SHISA9: variants seen among roughly 807,000 people sequenced by gnomAD.
SHISA9 encodes the protein shisa family member 9.
Under a neutral mutation model 38.0 loss-of-function variants are expected in SHISA9, and 13 were observed. That is an observed-to-expected ratio of 0.34 (90% CI 0.22 to 0.54). The LOEUF is 0.54. SHISA9 is among the 20% of genes least tolerant of loss of function. SHISA9 has a pLI of 0.91. For synonymous variants in SHISA9, 275 were observed against 242.0 expected (o/e 1.14, Z -1.27); for missense variants, 538 against 575.8 (o/e 0.93, Z 0.67).
the SHISA9 span, among the ~76,000 whole-genome samples, chr16:13,307,125 A>G: frequency 6.6e-6 from 1 of 152,216 alleles, no homozygotes; most frequent in African/African-American, 2.4e-5. Flanking sequence ...ACAAACCTGG[A>G]CAAGTCGTTC....
At chr16:12,997,344 A>C (rs1443105199) in intron 2 of SHISA9, among the ~76,000 whole-genome samples, 2 of 150,040 alleles carry the variant, frequency 1.3e-5, no homozygotes, top group Non-Finnish European at 3.0e-5. Context: ...TCCATAGTAT[A>C]CTGCAATTAT....
rs868172272 is a variant in SHISA9, at chr16:12,940,531, C to A, written c.691+23716C>A. Among the ~76,000 whole-genome samples, 5 of 152,102 alleles carry A rather than the reference C, an allele frequency of 3.3e-5. 1 individual carries two copies. The South Asian group carries it at 8.3e-4, about 25-fold the overall frequency. On this transcript the variant is annotated intron_variant, in intron 2 of 4. Coordinates refer to ENST00000558583, the MANE Select transcript of SHISA9 (RefSeq NM_001145204.3). ...ACTAGTTTAGACTGTGCGGTCCAACCCTAGCCAATAGGGGAAAGACACAGA... is the reference window on the plus strand; with the variant it reads ...ACTAGTTTAGACTGTGCGGTCCAACACTAGCCAATAGGGGAAAGACACAGA...
At chr16:13,560,983 C>T in the SHISA9 span, among the ~76,000 whole-genome samples, 1 of 152,114 alleles carries the variant, frequency 6.6e-6, no homozygotes, top group Admixed American at 6.5e-5. Flanking sequence ...CCTGCCTCAG[C>T]CTCCCGAGTA....
intron 2 of SHISA9, among the ~76,000 whole-genome samples, chr16:12,925,051 T>C (rs1045011436): frequency 6.8e-6 from 1 of 147,444 alleles, no homozygotes; most frequent in African/African-American, 2.4e-5. Flanking sequence ...GGTGCGAAAG[T>C]TGGCTGTTCA....
chr16:13,298,400 G>C, the SHISA9 span, among the ~76,000 whole-genome samples: 1 of 151,992 alleles, frequency 6.6e-6, no homozygotes, highest in African/African-American at 2.4e-5. Flanking sequence ...TAATAAACAC[G>C]ATGATGACTC....
chr16:13,441,129 G>A, the SHISA9 span, among the ~76,000 whole-genome samples: 1 of 152,156 alleles, frequency 6.6e-6, no homozygotes, highest in African/African-American at 2.4e-5. Flanking sequence ...GATAAAAGCA[G>A]TTGAAGAAAA....
the SHISA9 span, among the ~76,000 whole-genome samples, chr16:13,469,362 A>AAAG: frequency 2.7e-5 from 1 of 37,652 alleles, no homozygotes; most frequent in African/African-American, 9.8e-5. Flanking sequence ...AAGAAAGAAA[A>AAAG]GAAAAAGAAA....
At chr16:13,466,431 A>G in the SHISA9 span, among the ~76,000 whole-genome samples, 12 of 152,210 alleles carry the variant, frequency 7.9e-5, no homozygotes, top group African/African-American at 2.9e-4. Flanking sequence ...AAACTACAAC[A>G]TCTCAATCCA....
At chr16:13,272,614 T>G in the SHISA9 span, among the ~76,000 whole-genome samples, 1 of 152,140 alleles carries the variant, frequency 6.6e-6, no homozygotes, top group Non-Finnish European at 1.5e-5. Flanking sequence ...GGTGAAGGAC[T>G]AAAAAGATGA....
chr16:13,276,761 A>G, the SHISA9 span, among the ~76,000 whole-genome samples: 2 of 151,472 alleles, frequency 1.3e-5, no homozygotes, highest in Non-Finnish European at 3.0e-5. Flanking sequence ...TTTTGATGGG[A>G]TTGTTTGATT....
intron 2 of SHISA9, among the ~76,000 whole-genome samples, chr16:12,996,072 G>A (rs146340561): frequency 1.3e-5 from 2 of 152,272 alleles, no homozygotes; most frequent in East Asian, 1.9e-4. Context: ...GGACACAAAG[G>A]GGTGATGTAC....
At chr16:13,067,319 G>C (rs906624332) in intron 2 of SHISA9, among the ~76,000 whole-genome samples, 1 of 152,204 alleles carries the variant, frequency 6.6e-6, no homozygotes, top group Non-Finnish European at 1.5e-5. Context: ...TTGCATAGGT[G>C]CCCAGAAGCT....
chr16:13,169,299 A>C (rs1415201372), intron 2 of SHISA9, among the ~76,000 whole-genome samples: 1 of 152,228 alleles, frequency 6.6e-6, no homozygotes, highest in Non-Finnish European at 1.5e-5. Flanking sequence ...AGTGAAAACA[A>C]CACCATTTGC....
At chr16:13,404,263 G>A in the SHISA9 span, among the ~76,000 whole-genome samples, 1 of 152,174 alleles carries the variant, frequency 6.6e-6, no homozygotes, top group African/African-American at 2.4e-5. Flanking sequence ...CTATCACAGA[G>A]ATTACAGTCT....
intron 2 of SHISA9, among the ~76,000 whole-genome samples, chr16:13,170,844 A>G (rs769072811): frequency 6.6e-6 from 1 of 152,102 alleles, no homozygotes; most frequent in Non-Finnish European, 1.5e-5. Context: ...TTTAGTACAG[A>G]TGGGGTTTCA....
chr16:13,231,717 C>T (rs552851226), intron 4 of SHISA9, among the ~76,000 whole-genome samples: 9 of 152,250 alleles, frequency 5.9e-5, no homozygotes, highest in East Asian at 3.9e-4. Context: ...GGCAGTAGTC[C>T]GAGTGGAGGC....
At chr16:13,093,032 C>T (rs966132042) in intron 2 of SHISA9, among the ~76,000 whole-genome samples, 7 of 152,116 alleles carry the variant, frequency 4.6e-5, no homozygotes, top group Admixed American at 3.3e-4. Flanking sequence ...CTTTTTGACA[C>T]CAAAACCCAT....
chr16:13,174,793 A>G (rs952702135), intron 2 of SHISA9, among the ~76,000 whole-genome samples: 2 of 152,176 alleles, frequency 1.3e-5, no homozygotes, highest in Non-Finnish European at 2.9e-5. Context: ...AGAGGTCCAA[A>G]GGAGCCAAGC....
chr16:13,474,022 C>T, the SHISA9 span, among the ~76,000 whole-genome samples: 1 of 152,156 alleles, frequency 6.6e-6, no homozygotes, highest in South Asian at 2.1e-4. Flanking sequence ...TGGCCATACT[C>T]AGAAGCCCTA....
Sources: gnomAD v4.1 joint callset for allele counts (sites outside exome capture counted in the v4.1 genomes callset) on GRCh38, gnomAD v4.1.1 for gene constraint, MANE v1.5 for transcripts, NCBI Gene and HGNC (gene_info 2026-07-23, HGNC 2026-07-21) for gene names.